Variants in MGAT4A observed in about 807,000 individuals in gnomAD.
MGAT4A encodes N-acetylglucosaminyltransferase IVa.
Under a neutral mutation model 74.1 loss-of-function variants are expected in MGAT4A, and 33 were observed. That is an observed-to-expected ratio of 0.45 (90% CI 0.34 to 0.60). The LOEUF (loss-of-function observed/expected upper bound fraction) is 0.60, where lower values mean the gene tolerates loss of function less well. Ranked by LOEUF, MGAT4A falls within the 20% of genes least tolerant of loss-of-function variation. The pLI, the probability that MGAT4A is intolerant of heterozygous loss-of-function variation, is 0.02. For missense variants in MGAT4A, 479 were observed against 628.3 expected, an observed-to-expected ratio of 0.76 and a Z score of 2.54; for synonymous variants, 198 against 210.4, an observed-to-expected ratio of 0.94 and a Z score of 0.51.
intron 2 of MGAT4A, among the ~76,000 whole-genome samples, chr2:98,692,868 T>G (rs981635723): frequency 2.6e-5 from 4 of 152,174 alleles, no homozygotes; most frequent in African/African-American, 9.7e-5. Flanking sequence ...CATCATTTAG[T>G]GACACATGAC....
chr2:98,711,678 G>A (rs192647968), intron 2 of MGAT4A, among the ~76,000 whole-genome samples: 2 of 152,098 alleles, frequency 1.3e-5, no homozygotes, highest in African/African-American at 4.8e-5. Flanking sequence ...GTTCACACGT[G>A]CATAAGTACC....
At chr2:98,710,747 C>T (rs1479784172) in intron 2 of MGAT4A, among the ~76,000 whole-genome samples, 4 of 152,176 alleles carry the variant, frequency 2.6e-5, no homozygotes, top group Non-Finnish European at 4.4e-5. Context: ...CAGGCGTGAG[C>T]TACTGTGCCC....
chr2:98,666,684 C>T (rs1645584283), intron 4 of MGAT4A, among the ~76,000 whole-genome samples: 1 of 151,202 alleles, frequency 6.6e-6, no homozygotes, highest in Admixed American at 6.6e-5. Context: ...CAGAGCAAGA[C>T]CCTGTCTCAA....
At chr2:98,682,902 G>A (rs1443924362) in intron 2 of MGAT4A, among the ~76,000 whole-genome samples, 2 of 151,842 alleles carry the variant, frequency 1.3e-5, no homozygotes, top group East Asian at 1.9e-4. Flanking sequence ...TGGCTAACAC[G>A]GTGAAACCCC....
At chr2:98,637,109 A>G (rs1192924472) in intron 12 of MGAT4A, among the ~76,000 whole-genome samples, 2 of 152,096 alleles carry the variant, frequency 1.3e-5, no homozygotes, top group Admixed American at 1.3e-4. Context: ...CAGGGGTTCA[A>G]GACCAGCCTG....
At chr2:98,656,832 T>C (rs34622150) in intron 6 of MGAT4A, among the ~76,000 whole-genome samples, 65,892 of 151,886 alleles carry the variant, frequency 0.43, 14,826 homozygotes, top group South Asian at 0.54. Context: ...CAAATAAGTA[T>C]GTATGTGTCT....
chr2:98,641,266 A>G (rs1174351749), intron 10 of MGAT4A, among the ~76,000 whole-genome samples: 2 of 152,272 alleles, frequency 1.3e-5, no homozygotes, highest in East Asian at 3.8e-4. Flanking sequence ...CACGCCTGCA[A>G]TACCAGCACT....
At chr2:98,645,310 T>C (rs1701468547) in intron 9 of MGAT4A, 118 bp downstream of exon 9, 3 of 708,288 alleles carry the variant, frequency 4.2e-6, no homozygotes, top group Non-Finnish European at 6.7e-6. Flanking sequence ...AAGTTTTCTC[T>C]AAAACAACCC....
chr2:98,726,454 G>A lies in MGAT4A; in HGVS notation c.-122C>T, dbSNP rs942198858. 2.9e-6 allele frequency: 2 copies of A among 686,474 alleles called. No individual in the cohort carries two copies. Among genetic ancestry groups the A allele is most frequent in the South Asian group, 2.1e-5 (1 of 48,450 alleles). 42.5% of individuals were successfully genotyped at this position (686,474 alleles called of 1,614,324 possible). The stretch of plus-strand genomic sequence containing the variant: ...GCTCTAGGCCAATAAAAATCAATAA[G>A]AGAGGTTCATTTCAGATGATCTGCA... On this transcript the variant is annotated 5_prime_UTR_variant, in exon 2 of 16. Coordinates refer to ENST00000393487, the MANE Select transcript of MGAT4A (RefSeq NM_012214.3).
In MGAT4A at chr2:98,646,316, C is replaced by T. The variant is rs115094921; in HGVS notation, c.775-774G>A. Reference sequence around the variant, plus strand: ...AGCGCCCAGATTGTGCTTCTATATACCACACACCCTGAAGAGGAATAGCAC... The same window carrying T: ...AGCGCCCAGATTGTGCTTCTATATATCACACACCCTGAAGAGGAATAGCAC... On this transcript the variant is annotated intron_variant, in intron 8 of 15. Coordinates refer to ENST00000393487, the MANE Select transcript of MGAT4A (RefSeq NM_012214.3). Among the ~76,000 whole-genome samples, 580 of 152,120 alleles carry T rather than the reference C, an allele frequency of 3.8e-3. 5 individuals are homozygous for T. Among genetic ancestry groups the T allele is most frequent in the African/African-American group, 0.013 (544 of 41,496 alleles).
At chr2:98,660,443 C>CAT (rs1701731072) in intron 5 of MGAT4A, among the ~76,000 whole-genome samples, 1 of 99,230 alleles carries the variant, frequency 1.0e-5, no homozygotes, top group South Asian at 3.7e-4. Flanking sequence ...CACACACACA[C>CAT]ACACACACAC....
At chr2:98,688,331 A>G (rs885036) in intron 2 of MGAT4A, among the ~76,000 whole-genome samples, 85,394 of 151,898 alleles carry the variant, frequency 0.56, 25,467 homozygotes, top group African/African-American at 0.76. Flanking sequence ...AGACACTGTC[A>G]CAAGCGGACT....
intron 4 of MGAT4A, among the ~76,000 whole-genome samples, chr2:98,666,776 C>G (rs559454314): frequency 6.6e-6 from 1 of 152,250 alleles, no homozygotes; most frequent in Admixed American, 6.5e-5. Flanking sequence ...AAAGACTTCA[C>G]TATGATGAAA....
chr2:98,670,067 C>A (rs1701892379), intron 4 of MGAT4A, among the ~76,000 whole-genome samples: 1 of 152,196 alleles, frequency 6.6e-6, no homozygotes, highest in Non-Finnish European at 1.5e-5. Flanking sequence ...CCCAGCCTGT[C>A]CTATCTGATA....
intron 2 of MGAT4A, among the ~76,000 whole-genome samples, chr2:98,724,754 C>T (rs1702735902): frequency 6.6e-6 from 1 of 151,956 alleles, no homozygotes; most frequent in African/African-American, 2.4e-5. Context: ...TCAAGTTTCT[C>T]CACTACTATA....
intron 1 of MGAT4A, among the ~76,000 whole-genome samples, chr2:98,728,010 C>T (rs1221718667): frequency 6.6e-6 from 1 of 152,190 alleles, no homozygotes; most frequent in Non-Finnish European, 1.5e-5. Context: ...AATGAGGCCT[C>T]CTGCACCTGG....
intron 2 of MGAT4A, among the ~76,000 whole-genome samples, chr2:98,696,664 T>C (rs1340161303): frequency 4.6e-5 from 7 of 152,198 alleles, no homozygotes; most frequent in Non-Finnish European, 7.3e-5. Flanking sequence ...TGACAGAGGG[T>C]ATCCAGCCTG....
At chr2:98,668,193 G>T (rs1273831257) in intron 4 of MGAT4A, among the ~76,000 whole-genome samples, 1 of 152,254 alleles carries the variant, frequency 6.6e-6, no homozygotes, top group Non-Finnish European at 1.5e-5. Context: ...TCCAGGGCAT[G>T]TCAGAGACCT....
At chr2:98,642,792 T>G (rs966514532) in intron 10 of MGAT4A, among the ~76,000 whole-genome samples, 2 of 152,242 alleles carry the variant, frequency 1.3e-5, no homozygotes, top group Non-Finnish European at 2.9e-5. Flanking sequence ...ACAGATACTC[T>G]GCCATTGCTA....
Sources: gnomAD v4.1 joint callset for allele counts (sites outside exome capture counted in the v4.1 genomes callset) on GRCh38, gnomAD v4.1.1 for gene constraint, MANE v1.5 for transcripts, NCBI Gene and HGNC (gene_info 2026-07-23, HGNC 2026-07-21) for gene names.